Variants in CEP128 observed in about 807,000 individuals in gnomAD.
CEP128 encodes centrosomal protein 128kDa.
A neutral mutation model predicts 156.7 loss-of-function variants in CEP128; 132 were observed. The ratio of observed to expected loss-of-function variants is 0.84; its 90% CI spans 0.73 to 0.97. The LOEUF is 0.97. Among genes scored for constraint, CEP128 ranks in the 50% least tolerant of loss-of-function variants. The pLI, the probability that CEP128 is intolerant of heterozygous loss-of-function variation, is 0.00. For synonymous variants in CEP128, 469 were observed against 448.9 expected (o/e 1.04, Z -0.57); for missense variants, 1,252 against 1,281.9 (o/e 0.98, Z 0.36).
chr14:80,661,883 G>A (rs1373056772), intron 19 of CEP128, among the ~76,000 whole-genome samples: 1 of 152,038 alleles, frequency 6.6e-6, no homozygotes, highest in Non-Finnish European at 1.5e-5. Flanking sequence ...TCTTGTGGAG[G>A]GTGAATAAAA....
intron 20 of CEP128, among the ~76,000 whole-genome samples, chr14:80,572,945 T>TG (rs1369527194): frequency 6.6e-6 from 1 of 152,194 alleles, no homozygotes; most frequent in African/African-American, 2.4e-5. Context: ...TGTTTTTTGA[T>TG]GGAGTCTTGC....
intron 19 of CEP128, among the ~76,000 whole-genome samples, chr14:80,592,641 T>G (rs1448636261): frequency 1.3e-5 from 2 of 152,196 alleles, no homozygotes; most frequent in African/African-American, 2.4e-5. Context: ...CCTCCGTAAC[T>G]TATTTTATGA....
intron 19 of CEP128, among the ~76,000 whole-genome samples, chr14:80,690,836 A>G (rs893543088): frequency 6.6e-6 from 1 of 152,212 alleles, no homozygotes; most frequent in African/African-American, 2.4e-5. Flanking sequence ...TGATGATTTA[A>G]TAGCTTAGAA....
chr14:80,589,233 C>G (rs555486562), intron 19 of CEP128, among the ~76,000 whole-genome samples: 1 of 152,164 alleles, frequency 6.6e-6, no homozygotes, highest in African/African-American at 2.4e-5. Context: ...GATTTTAGCA[C>G]AGTGAGATCC....
intron 10 of CEP128, among the ~76,000 whole-genome samples, chr14:80,840,237 C>T (rs2140081584): frequency 6.6e-6 from 1 of 152,162 alleles, no homozygotes; most frequent in East Asian, 1.9e-4. Flanking sequence ...GAAATGAACA[C>T]ACAGTTCATA....
chr14:80,549,612 C>G (rs777034609), intron 21 of CEP128, among the ~76,000 whole-genome samples: 4 of 152,182 alleles, frequency 2.6e-5, no homozygotes, highest in Non-Finnish European at 1.5e-5. Flanking sequence ...TTAGGAGAAG[C>G]ATTGCAAATA....
At chr14:80,506,331 A>G (rs1887969164) in intron 23 of CEP128, among the ~76,000 whole-genome samples, 1 of 104,948 alleles carries the variant, frequency 9.5e-6, no homozygotes, top group South Asian at 3.5e-4. Context: ...CAGGATTTGA[A>G]ACTCTTTTTT....
At chr14:80,511,099 G>T (rs1888231577) in intron 23 of CEP128, among the ~76,000 whole-genome samples, 1 of 149,800 alleles carries the variant, frequency 6.7e-6, no homozygotes, top group South Asian at 2.1e-4. Flanking sequence ...TCTGGATTTG[G>T]TATCAGGGTA....
chr14:80,793,199 C>G (rs1467809460), intron 13 of CEP128, 89 bp from the exon 14 acceptor site: 2 of 947,094 alleles, frequency 2.1e-6, no homozygotes, highest in Non-Finnish European at 3.2e-6. Flanking sequence ...TCTAATGTCA[C>G]TGAAGTGGAA....
chr14:80,823,590 G>A (rs1049085959), intron 13 of CEP128, among the ~76,000 whole-genome samples: 2 of 148,012 alleles, frequency 1.4e-5, no homozygotes, highest in African/African-American at 2.5e-5. Flanking sequence ...AATAAAGCTG[G>A]ATACAGTTTG....
chr14:80,708,725 A>C (rs1049768035), intron 19 of CEP128, among the ~76,000 whole-genome samples: 1 of 152,188 alleles, frequency 6.6e-6, no homozygotes, highest in Non-Finnish European at 1.5e-5. Context: ...ATGTAAATTT[A>C]ATCTGTAGCC....
At chr14:80,860,667 A>C (rs1887471157) in intron 9 of CEP128, among the ~76,000 whole-genome samples, 1 of 152,052 alleles carries the variant, frequency 6.6e-6, no homozygotes, top group Non-Finnish European at 1.5e-5. Flanking sequence ...TTATTCAACA[A>C]CATATCCTCT....
chr14:80,764,363 G>T (rs1366015664), intron 16 of CEP128, among the ~76,000 whole-genome samples: 1 of 152,012 alleles, frequency 6.6e-6, no homozygotes, highest in Non-Finnish European at 1.5e-5. Context: ...GCCGGGCGCG[G>T]TGGCAGGCGC....
intron 13 of CEP128, among the ~76,000 whole-genome samples, chr14:80,794,308 T>C (rs1406196445): frequency 6.6e-6 from 1 of 152,210 alleles, no homozygotes; most frequent in Non-Finnish European, 1.5e-5. Context: ...AAAATCATGG[T>C]TTGACATTAT....
chr14:80,734,714 G>T (rs1898442963), intron 19 of CEP128, among the ~76,000 whole-genome samples: 1 of 151,582 alleles, frequency 6.6e-6, no homozygotes, highest in African/African-American at 2.4e-5. Flanking sequence ...TGGGTATGGT[G>T]GTACACACCT....
chr14:80,581,213 G>A (rs575409389), intron 19 of CEP128, among the ~76,000 whole-genome samples: 2 of 152,222 alleles, frequency 1.3e-5, no homozygotes, highest in East Asian at 3.9e-4. Flanking sequence ...ACCTAAAGAG[G>A]ACTAGGCTGA....
intron 19 of CEP128, among the ~76,000 whole-genome samples, chr14:80,632,044 C>T (rs1361013943): frequency 6.6e-6 from 1 of 152,036 alleles, no homozygotes; most frequent in African/African-American, 2.4e-5. Flanking sequence ...ACTCTGAATT[C>T]TTACCAGTCA....
At chr14:80,753,152 C>A (rs1041913241) in intron 18 of CEP128, among the ~76,000 whole-genome samples, 1 of 151,974 alleles carries the variant, frequency 6.6e-6, no homozygotes, top group Admixed American at 6.6e-5. Flanking sequence ...GCAGCATGCC[C>A]AATATAATTA....
chr14:80,565,223 T>C (rs1057203797), intron 20 of CEP128, among the ~76,000 whole-genome samples: 1 of 152,166 alleles, frequency 6.6e-6, no homozygotes, highest in African/African-American at 2.4e-5. Flanking sequence ...ATGGATCAGC[T>C]GACACTACCC....
Sources: gnomAD v4.1 joint callset for allele counts (sites outside exome capture counted in the v4.1 genomes callset) on GRCh38, gnomAD v4.1.1 for gene constraint, MANE v1.5 for transcripts, NCBI Gene and HGNC (gene_info 2026-07-23, HGNC 2026-07-21) for gene names.